Variants in PRAMEF20 observed in about 807,000 individuals in gnomAD.
The protein encoded by PRAMEF20 is PRAME family member 20.
PRAMEF20 carries 27 observed loss-of-function variants against 32.4 expected under a neutral mutation model. That is an observed-to-expected ratio of 0.83 (90% CI 0.61 to 1.15). The LOEUF (loss-of-function observed/expected upper bound fraction) is 1.15, where lower values mean the gene tolerates loss of function less well. PRAMEF20 is among the 50% of genes most tolerant of loss of function. The pLI is 0.00. For missense variants in PRAMEF20, 604 were observed against 584.5 expected (o/e 1.03, Z -0.34); for synonymous variants, 256 against 235.4 (o/e 1.09, Z -0.80).
Position 13,418,115 on chromosome 1 carries a change from T to G in PRAMEF20, c.288-7T>G. The G allele has an allele frequency of 6.2e-7, 1 of 1,611,876 alleles. No homozygotes were observed. On this transcript the variant is annotated splice_polypyrimidine_tract_variant and splice_region_variant and intron_variant, in intron 1 of 2. Coordinates refer to ENST00000602960, the Ensembl canonical transcript of PRAMEF20. ...AAATTCTCAGCCTCTCTTCTATTTT[T>G]CCTCAGGAGGTGGAAACTTCAAGTG...
Position 13,417,866 on chromosome 1 carries a change from C to T in PRAMEF20, c.288-256C>T, listed in dbSNP as rs569152318. Reference sequence around the variant, plus strand: ...ACATTATTCTCCTGCCTCAGCCTCCCGAGTAGCTGGGACTACAGGCGCCCG... The same window carrying T: ...ACATTATTCTCCTGCCTCAGCCTCCTGAGTAGCTGGGACTACAGGCGCCCG... On this transcript the variant is annotated intron_variant, in intron 1 of 2. Transcript: ENST00000602960. 2.6e-3 allele frequency among the ~76,000 whole-genome samples: 394 copies of T among 149,544 alleles called. 2 individuals are homozygous for T. The highest frequency in any genetic ancestry group is 8.9e-3 in the African/African-American group (363 of 40,876).
exon 3 of PRAMEF20, chr1:13,421,299 T>G: frequency 6.2e-7 from 1 of 1,613,436 alleles, no homozygotes; most frequent in Non-Finnish European, 8.5e-7. Context: ...CTCTTTTTTC[T>G]GAACACTTGA....
At chr1:13,415,841 A>G (rs1293697823), upstream of PRAMEF20, among the ~76,000 whole-genome samples, 1 of 152,030 alleles carries the variant, frequency 6.6e-6, no homozygotes, top group African/African-American at 2.4e-5. Flanking sequence ...GGAAAGAAGG[A>G]AAGAAGAAAG....
At chr1:13,414,959 C>T (rs1641154311), upstream of PRAMEF20, among the ~76,000 whole-genome samples, 1 of 151,708 alleles carries the variant, frequency 6.6e-6, no homozygotes, top group Non-Finnish European at 1.5e-5. Context: ...GCCACCATGC[C>T]CAGCTAATTT....
chr1:13,410,831 C>A, the PRAMEF20 span, among the ~76,000 whole-genome samples: 49 of 151,794 alleles, frequency 3.2e-4, no homozygotes, highest in Non-Finnish European at 6.2e-4. Flanking sequence ...CCAATCTGGG[C>A]AACATGGCAA....
intron 1 of PRAMEF20, among the ~76,000 whole-genome samples, 194 bp from the exon 3 acceptor site, chr1:13,417,908 ATTTGTGTGTGTGTGTGTGTG>A (rs1249981293): frequency 9.4e-5 from 4 of 42,582 alleles, no homozygotes; most frequent in Admixed American, 4.0e-4. Context: ...CGCCCGGCTA[ATTTGTGTGTGTGTGTGTGTG>A]TGTGTGTGTG....
In PRAMEF20 at chr1:13,421,085, T is replaced by TA. The variant is rs1641238341; in HGVS notation, c.1256dup (p.Tyr419Ter). Residue 419 changes from tyrosine to a stop codon, truncating the protein, a stop_gained and frameshift_variant, in exon 3 of 3, where the codon TAT becomes TAAT. Transcript: ENST00000602960. LOFTEE classifies it high-confidence loss of function. ...GCTGTATCCTGCCCCGCGGGAGAGT[T>TA]ATGATGTTCGTGGTATCGTCTGCCG... 5 of 1,613,738 alleles carry TA rather than the reference T, an allele frequency of 3.1e-6. No individual in the cohort carries two copies. The highest frequency in any genetic ancestry group is 3.4e-6 in the Non-Finnish European group (4 of 1,179,852).
upstream of PRAMEF20, among the ~76,000 whole-genome samples, chr1:13,415,082 G>T (rs1021744466): frequency 6.6e-6 from 1 of 151,484 alleles, no homozygotes. Flanking sequence ...ATCCAAAGTG[G>T]TTCTTTGTTT....
At chr1:13,413,207 G>C (rs1206496782), upstream of PRAMEF20, among the ~76,000 whole-genome samples, 1 of 151,242 alleles carries the variant, frequency 6.6e-6, no homozygotes, top group Admixed American at 6.6e-5. Flanking sequence ...GAGTGAATCA[G>C]TGAATGAGTC....
rs1641240060 is a variant in PRAMEF20 at position 13,421,183 on chromosome 1, G to A, written c.1353G>A (p.Leu451=). 4 of 1,613,936 alleles carry A rather than the reference G, an allele frequency of 2.5e-6. No individual in the cohort carries two copies. The Admixed American group carries it at 6.7e-5, about 27-fold the overall frequency. ...CCTTAAGGGAGCCCGAGAGGATCTT[G>A]TTCTGTACCGACTACTGCCCTCAGT... The change falls in exon 3 of 3, where the codon TTG becomes TTA. Residue 451 remains leucine (L), a synonymous_variant. Transcript: ENST00000602960.
At chr1:13,414,810 G>T (rs3013067), upstream of PRAMEF20, among the ~76,000 whole-genome samples, 8,779 of 151,256 alleles carry the variant, frequency 0.058, 355 homozygotes, top group East Asian at 0.13. Context: ...TATATATATA[G>T]AGAGAGAGAG....
Position 13,418,729 on chromosome 1 carries a change from A to C in PRAMEF20, c.866+29A>C. On this transcript the variant is annotated intron_variant, in intron 2 of 2. Transcript: ENST00000602960. ...AGGAAGGGTAGTGAGCTTTCTCTGCAGACCACAGCAGAGCCTTTCTTGTTA... is the reference window on the plus strand; with the variant it reads ...AGGAAGGGTAGTGAGCTTTCTCTGCCGACCACAGCAGAGCCTTTCTTGTTA... 1.9e-6 allele frequency: 3 copies of C among 1,612,108 alleles called. No individual in the cohort carries two copies. The South Asian group carries it at 3.3e-5, about 18-fold the overall frequency.
upstream of PRAMEF20, among the ~76,000 whole-genome samples, chr1:13,415,647 G>A (rs1194166065): frequency 6.6e-6 from 1 of 151,978 alleles, no homozygotes; most frequent in Non-Finnish European, 1.5e-5. Flanking sequence ...AAGGTTAGCT[G>A]GGCATGGTGA....
At chr1:13,415,940 C>T (rs983983763), upstream of PRAMEF20, among the ~76,000 whole-genome samples, 2 of 152,196 alleles carry the variant, frequency 1.3e-5, no homozygotes, top group Non-Finnish European at 2.9e-5. Context: ...CATGAATGTT[C>T]CCAACCAGCT....
chr1:13,418,573 A>G (rs1641208608), exon 2 of PRAMEF20: 16 of 1,612,764 alleles, frequency 9.9e-6, no homozygotes, highest in East Asian at 2.2e-5. Context: ...TTCTCGCTAC[A>G]TTTCCCCAGA....
At position 13,416,396 on chromosome 1, in the gene PRAMEF20, G is replaced by A. The variant is rs943517849; in HGVS notation, c.42G>A (p.Gly14=). ...CACCCAGACTCCTGGAGCTGGCGGGGCGGAGCCTGCTGAGGGACGAGGCCT... is the reference window on the plus strand; with the variant it reads ...CACCCAGACTCCTGGAGCTGGCGGGACGGAGCCTGCTGAGGGACGAGGCCT... Residue 14 remains glycine (G), a synonymous_variant, in exon 1 of 3, where the codon GGG becomes GGA. Transcript: ENST00000602960. 1,068 of 1,613,582 alleles carry A rather than the reference G, an allele frequency of 6.6e-4. 5 individuals carry two copies. In the African/African-American group the frequency reaches 0.012, roughly 18 times the overall value.
At chr1:13,412,913 GA>G (rs1641127452), upstream of PRAMEF20, among the ~76,000 whole-genome samples, 2 of 149,292 alleles carry the variant, frequency 1.3e-5, no homozygotes, top group South Asian at 4.3e-4. Context: ...TAGGAAATGA[GA>G]CTCAGCCCCC....
chr1:13,415,572 G>A (rs929832705), upstream of PRAMEF20, among the ~76,000 whole-genome samples: 3 of 152,114 alleles, frequency 2.0e-5, no homozygotes, highest in Non-Finnish European at 2.9e-5. Flanking sequence ...CTTGAGTCTA[G>A]GAGTTCAAGA....
intron 2 of PRAMEF20, among the ~76,000 whole-genome samples, chr1:13,420,291 A>G (rs1641228718): frequency 6.6e-6 from 1 of 152,156 alleles, no homozygotes; most frequent in Non-Finnish European, 1.5e-5. Flanking sequence ...GCTCACTGCA[A>G]CTTCCATCTC....
Sources: allele counts gnomAD v4.1 joint callset (sites outside exome capture counted in the v4.1 genomes callset), GRCh38; gene constraint gnomAD v4.1.1; transcripts MANE v1.5; gene names NCBI Gene and HGNC (gene_info 2026-07-23, HGNC 2026-07-21).